ACTR3C: variants seen among roughly 807,000 people sequenced by gnomAD.
ACTR3C encodes the protein actin related protein 3C, also known as actin-related protein 3C.
ACTR3C carries 18 observed loss-of-function variants against 26.3 expected under a neutral mutation model. The ratio of observed to expected loss-of-function variants is 0.68; its 90% CI spans 0.47 to 1.01. The LOEUF is 1.01. Among genes scored for constraint, ACTR3C ranks in the 50% least tolerant of loss-of-function variants. ACTR3C has a pLI of 0.00. For synonymous variants in ACTR3C, 55 were observed against 94.5 expected, an observed-to-expected ratio of 0.58 and a Z score of 2.42; for missense variants, 184 against 250.7, an observed-to-expected ratio of 0.73 and a Z score of 1.80.
the ACTR3C span, among the ~76,000 whole-genome samples, chr7:149,994,456 G>A: frequency 6.6e-6 from 1 of 152,166 alleles, no homozygotes; most frequent in Non-Finnish European, 1.5e-5. Context: ...AATTAGCTGG[G>A]AGTATTGGTG....
the ACTR3C span, among the ~76,000 whole-genome samples, chr7:150,177,097 A>T: frequency 6.9e-6 from 1 of 145,416 alleles, no homozygotes; most frequent in Non-Finnish European, 1.5e-5. Flanking sequence ...GCACACCCGG[A>T]CTTTTAAGAG....
chr7:150,095,800 C>T, the ACTR3C span, among the ~76,000 whole-genome samples: 4 of 150,452 alleles, frequency 2.7e-5, no homozygotes, highest in African/African-American at 1.0e-4. Flanking sequence ...AGTAATGAAC[C>T]TTATTAGTGC....
chr7:150,005,558 G>C, the ACTR3C span, among the ~76,000 whole-genome samples: 2 of 152,094 alleles, frequency 1.3e-5, no homozygotes, highest in African/African-American at 4.8e-5. Context: ...TGGTACATCG[G>C]GAGGGTCAGC....
At chr7:149,892,550 A>G in the ACTR3C span, among the ~76,000 whole-genome samples, 1 of 119,560 alleles carries the variant, frequency 8.4e-6, no homozygotes, top group East Asian at 2.7e-4. Flanking sequence ...GACAATGTCA[A>G]TGAGTACATA....
chr7:150,287,775 A>G (rs1402963189), intron 4 of ACTR3C, among the ~76,000 whole-genome samples: 4 of 147,140 alleles, frequency 2.7e-5, no homozygotes, highest in African/African-American at 1.0e-4. Context: ...TTCTTTGATG[A>G]CACAGAGCAA....
At chr7:149,900,498 A>T in the ACTR3C span, among the ~76,000 whole-genome samples, 2 of 152,060 alleles carry the variant, frequency 1.3e-5, no homozygotes, top group African/African-American at 4.8e-5. Context: ...TTAAGAATAA[A>T]TAAATAAATA....
intron 6 of ACTR3C, among the ~76,000 whole-genome samples, chr7:150,275,135 T>C (rs1379107869): frequency 2.0e-5 from 3 of 152,226 alleles, no homozygotes; most frequent in Non-Finnish European, 1.5e-5. Flanking sequence ...TGCCAGATTA[T>C]GCCAGAAAAG....
the ACTR3C span, among the ~76,000 whole-genome samples, chr7:149,948,333 C>A: frequency 6.8e-6 from 1 of 146,176 alleles, no homozygotes; most frequent in South Asian, 2.2e-4. Flanking sequence ...GGGCACAGGG[C>A]AAGCTCTGGG....
chr7:150,313,626 C>G (rs1247829141), intron 1 of ACTR3C, among the ~76,000 whole-genome samples: 1 of 152,216 alleles, frequency 6.6e-6, no homozygotes, highest in African/African-American at 2.4e-5. Flanking sequence ...CCCTTCCCAT[C>G]ATGGTCTGAA....
the ACTR3C span, among the ~76,000 whole-genome samples, chr7:149,887,179 A>T: frequency 1.3e-5 from 2 of 152,210 alleles, no homozygotes; most frequent in Non-Finnish European, 2.9e-5. Context: ...TCCAGAGGCT[A>T]TGAAGATAAA....
the ACTR3C span, among the ~76,000 whole-genome samples, chr7:150,028,682 C>T: frequency 6.6e-5 from 10 of 152,314 alleles, no homozygotes; most frequent in East Asian, 1.2e-3. Context: ...TGCAGCAGCC[C>T]GGAAGAAACC....
the ACTR3C span, among the ~76,000 whole-genome samples, chr7:150,202,124 T>A: frequency 0.014 from 2,066 of 152,286 alleles, 51 homozygotes; most frequent in Admixed American, 0.049. Flanking sequence ...TCCATCAATC[T>A]TTTTCTTGAC....
At chr7:150,235,177 C>A in the ACTR3C span, among the ~76,000 whole-genome samples, 2 of 152,214 alleles carry the variant, frequency 1.3e-5, no homozygotes, top group African/African-American at 4.8e-5. Flanking sequence ...GCCAGCTTTA[C>A]TAATAAATCA....
the ACTR3C span, among the ~76,000 whole-genome samples, chr7:150,198,524 T>G: frequency 7.0e-6 from 1 of 142,384 alleles, no homozygotes; most frequent in Non-Finnish European, 1.5e-5. Flanking sequence ...GGAGCGCCTC[T>G]GCCCGGCCGA....
chr7:150,306,570 G>A (rs1795818925), intron 1 of ACTR3C, among the ~76,000 whole-genome samples: 1 of 152,208 alleles, frequency 6.6e-6, no homozygotes, highest in Non-Finnish European at 1.5e-5. Flanking sequence ...CTGTGGGCCG[G>A]GTATGGTGGC....
the ACTR3C span, among the ~76,000 whole-genome samples, chr7:149,931,336 C>A: frequency 4.6e-5 from 7 of 152,340 alleles, no homozygotes; most frequent in Non-Finnish European, 1.0e-4. Flanking sequence ...AGGTGCCCGT[C>A]TTTGTCGGTT....
the ACTR3C span, among the ~76,000 whole-genome samples, chr7:150,236,881 T>C: frequency 1.6e-4 from 24 of 150,730 alleles, no homozygotes; most frequent in Non-Finnish European, 2.8e-4. Context: ...TTCCTGTTGA[T>C]ATTCTTTCCT....
At chr7:150,142,162 C>T in the ACTR3C span, among the ~76,000 whole-genome samples, 1 of 152,190 alleles carries the variant, frequency 6.6e-6, no homozygotes, top group Non-Finnish European at 1.5e-5. Flanking sequence ...GCTCGACCTG[C>T]AAGTGTAGCT....
the ACTR3C span, among the ~76,000 whole-genome samples, chr7:149,990,867 C>T: frequency 1.3e-5 from 2 of 152,138 alleles, no homozygotes; most frequent in African/African-American, 4.8e-5. Flanking sequence ...TTATACAGTT[C>T]CATAGGTCAC....
Sources: allele counts gnomAD v4.1 joint callset (sites outside exome capture counted in the v4.1 genomes callset), GRCh38; gene constraint gnomAD v4.1.1; transcripts MANE v1.5; gene names NCBI Gene and HGNC (gene_info 2026-07-23, HGNC 2026-07-21).